Variants in TRAPPC9 observed in about 807,000 individuals in gnomAD.
TRAPPC9 encodes the protein IKK2 binding protein.
Under a neutral mutation model 124.0 loss-of-function variants are expected in TRAPPC9, and 83 were observed. That is an observed-to-expected ratio of 0.67 (90% CI 0.56 to 0.80). The LOEUF (loss-of-function observed/expected upper bound fraction) is 0.80, where lower values mean the gene tolerates loss of function less well. TRAPPC9 is among the 30% of genes least tolerant of loss of function. TRAPPC9 has a pLI of 0.00. For synonymous variants in TRAPPC9, 638 were observed against 617.5 expected (o/e 1.03, Z -0.49); for missense variants, 1,302 against 1,508.3 (o/e 0.86, Z 2.27).
At chr8:140,132,709 G>A (rs987074390) in intron 17 of TRAPPC9, among the ~76,000 whole-genome samples, 15 of 152,180 alleles carry the variant, frequency 9.9e-5, no homozygotes, top group East Asian at 3.8e-4. Flanking sequence ...ATGACAAGAC[G>A]CTGATGAGGA....
At chr8:139,863,628 C>A (rs1423697262) in intron 21 of TRAPPC9, among the ~76,000 whole-genome samples, 2 of 152,240 alleles carry the variant, frequency 1.3e-5, no homozygotes, top group Non-Finnish European at 2.9e-5. Context: ...CCTTGCCAGG[C>A]ATGGCTCAGC....
At chr8:140,259,910 GA>G (rs1328995550) in intron 15 of TRAPPC9, among the ~76,000 whole-genome samples, 1 of 152,200 alleles carries the variant, frequency 6.6e-6, no homozygotes, top group African/African-American at 2.4e-5. Flanking sequence ...AGACGGAAAA[GA>G]GCTATGTGAA....
intron 7 of TRAPPC9, among the ~76,000 whole-genome samples, chr8:140,378,272 T>C (rs1420813235): frequency 6.6e-6 from 1 of 152,132 alleles, no homozygotes; most frequent in Non-Finnish European, 1.5e-5. Context: ...CCTGGGTGTG[T>C]CTGGGAGGGT....
intron 6 of TRAPPC9, among the ~76,000 whole-genome samples, chr8:140,398,961 G>C (rs2069173459): frequency 6.6e-6 from 1 of 152,250 alleles, no homozygotes; most frequent in Non-Finnish European, 1.5e-5. Context: ...GTACAGCCTA[G>C]CGACTTGGTG....
rs1028794628 is a variant in TRAPPC9 at position 139,826,669 on chromosome 8, G to A, written c.3055+59210C>T. On this transcript the variant is annotated intron_variant, in intron 21 of 22. Transcript: ENST00000438773. ...GTGTGAGGCTGTCAGCCTGGCCCGG[G>A]GCTCTGGCTCGTGTGAAAGGCTGGA... Among the ~76,000 whole-genome samples the A allele has an allele frequency of 7.9e-5, 12 of 152,328 alleles. No individual in the cohort carries two copies. The South Asian group carries it at 1.9e-3, about 24-fold the overall frequency.
Position 140,414,432 on chromosome 8 carries a change from G to A in TRAPPC9, c.887-8734C>T, listed in dbSNP as rs528226430. On this transcript the variant is annotated intron_variant, in intron 5 of 22. Transcript: ENST00000438773. ...CCCTGTAGTCCCAGCTACTTTAGAG[G>A]CTGAGATGGAAGGATTGCTTGAGCC... is the stretch of plus-strand genomic sequence containing the variant. Among the ~76,000 whole-genome samples, 107 of 152,260 alleles carry A rather than the reference G, an allele frequency of 7.0e-4. No homozygotes were observed. In the South Asian group the frequency reaches 0.022, roughly 31 times the overall value.
At chr8:140,291,271 T>C in intron 11 of TRAPPC9, 193 bp from the exon 12 acceptor site, 1 of 651,338 alleles carries the variant, frequency 1.5e-6, no homozygotes, top group South Asian at 1.7e-5. Context: ...TAGCTGTCAC[T>C]GGCACTTTGA....
chr8:140,433,282 A>T (rs900768795), intron 4 of TRAPPC9, among the ~76,000 whole-genome samples: 12 of 147,082 alleles, frequency 8.2e-5, no homozygotes, highest in African/African-American at 3.0e-4. Flanking sequence ...ACAGAGCAAG[A>T]CTCTGTCTCA....
At chr8:139,964,224 C>CAAAAAA (rs1008397834) in intron 19 of TRAPPC9, among the ~76,000 whole-genome samples, 1 of 67,662 alleles carries the variant, frequency 1.5e-5, no homozygotes, top group African/African-American at 5.4e-5. Context: ...GACTCTGTCT[C>CAAAAAA]AAAAAAAAAA....
At chr8:139,969,370 G>C (rs1835914266) in intron 19 of TRAPPC9, among the ~76,000 whole-genome samples, 1 of 152,202 alleles carries the variant, frequency 6.6e-6, no homozygotes, top group Non-Finnish European at 1.5e-5. Flanking sequence ...CGCATCTGCA[G>C]CGCCTGGTGC....
At chr8:140,355,105 G>A (rs1193793906) in intron 9 of TRAPPC9, among the ~76,000 whole-genome samples, 1 of 152,200 alleles carries the variant, frequency 6.6e-6, no homozygotes, top group East Asian at 1.9e-4. Context: ...GCATTTCATG[G>A]ATAAACAAAT....
rs184465904 is a variant in TRAPPC9, at chr8:140,315,037, C to T, written c.1496-3663G>A. ...CATACTGTTTAACATAATGGCCGTA[C>T]TAATTTACATTCCCACCAATAGCGT... On this transcript the variant is annotated intron_variant, in intron 9 of 22. Coordinates refer to ENST00000438773, the MANE Select transcript of TRAPPC9 (RefSeq NM_001160372.4). 4.5e-3 allele frequency among the ~76,000 whole-genome samples: 684 copies of T among 152,292 alleles called. 8 individuals carry two copies. The highest frequency in any genetic ancestry group is 0.023 in the South Asian group (112 of 4,822).
chr8:140,379,357 G>A (rs781215691), intron 7 of TRAPPC9, among the ~76,000 whole-genome samples: 2 of 152,124 alleles, frequency 1.3e-5, no homozygotes, highest in South Asian at 2.1e-4. Context: ...ATTTATGTGC[G>A]ACCGTGGGTG....
At chr8:140,026,831 C>G (rs1001713805) in intron 17 of TRAPPC9, among the ~76,000 whole-genome samples, 4 of 152,182 alleles carry the variant, frequency 2.6e-5, no homozygotes, top group Non-Finnish European at 5.9e-5. Context: ...CCAAATAAAG[C>G]CATGCCTTCC....
chr8:139,824,815 G>A (rs1036081894), intron 21 of TRAPPC9, among the ~76,000 whole-genome samples: 6 of 152,110 alleles, frequency 3.9e-5, no homozygotes, highest in Admixed American at 3.3e-4. Flanking sequence ...CACCCACCTC[G>A]GCCTCCCAAA....
At position 139,731,066 on chromosome 8, in the gene TRAPPC9, C is replaced by T. The variant is rs201083889; in HGVS notation, c.3442G>A (p.Ala1148Thr). 6.3e-5 allele frequency: 101 copies of T among 1,612,528 alleles called. No homozygotes were observed. Among genetic ancestry groups the T allele is most frequent in the Non-Finnish European group, 2.1e-5 (25 of 1,179,948 alleles). The change falls in exon 23 of 23, where the codon GCC (alanine) becomes ACC (threonine). Residue 1148 changes from alanine to threonine, a missense_variant. Around this residue, in one of 3 missense-constraint regions of TRAPPC9, gnomAD observed 640 missense variants for 679.3 expected, o/e 0.94. Transcript: ENST00000438773. ...SVHVCALEAQ[A>T] ...AGGGACGGAAGTAGGCGGGCTCAGGCCTGCGCCTCCAGGGCACACACGTGC... is the reference window on the plus strand; with the variant it reads ...AGGGACGGAAGTAGGCGGGCTCAGGTCTGCGCCTCCAGGGCACACACGTGC...
At chr8:140,204,300 A>T (rs565542089) in intron 17 of TRAPPC9, among the ~76,000 whole-genome samples, 21 of 152,300 alleles carry the variant, frequency 1.4e-4, no homozygotes, top group African/African-American at 4.8e-4. Flanking sequence ...GCCATAAAAA[A>T]GGATGAGTTC....
rs1271145759 is a variant in TRAPPC9 at position 140,439,167 on chromosome 8, C to T, written c.615G>A (p.Met205Ile). ...RHYKKRCQGRMRKHVGDLCLQ... is the reference protein window; with the variant it reads ...RHYKKRCQGRIRKHVGDLCLQ... ...GGCACAGGTCCCCCACGTGCTTCCG[C>T]ATGCGGCCTTGGCACCGCTTCTTGT... The change falls in exon 3 of 23, where the codon ATG (methionine) becomes ATA (isoleucine). Residue 205 changes from methionine to isoleucine, a missense_variant. This residue lies in a region of TRAPPC9 where 657 missense variants were observed against 811.2 expected (regional missense o/e 0.81). Coordinates refer to ENST00000438773, the MANE Select transcript of TRAPPC9 (RefSeq NM_001160372.4). 1 of 1,614,236 alleles carries T rather than the reference C, an allele frequency of 6.2e-7. No individual in the cohort carries two copies. Among genetic ancestry groups the T allele is most frequent in the South Asian group, 1.1e-5 (1 of 91,084 alleles).
At chr8:140,384,066 C>T (rs2068686598) in intron 7 of TRAPPC9, among the ~76,000 whole-genome samples, 1 of 152,004 alleles carries the variant, frequency 6.6e-6, no homozygotes. Context: ...CCAAACTAAG[C>T]TTCATAAGTG....
Sources: allele counts gnomAD v4.1 joint callset (sites outside exome capture counted in the v4.1 genomes callset), GRCh38; gene constraint gnomAD v4.1.1; regional missense constraint gnomAD v4.1.1; transcripts MANE v1.5; gene names NCBI Gene and HGNC (gene_info 2026-07-23, HGNC 2026-07-21).